The following DCLK1 variants were observed in gnomAD, a reference collection of about 807,000 sequenced individuals.
DCLK1 encodes the protein doublecortin like kinase 1, also known as serine/threonine-protein kinase DCLK1.
A neutral mutation model predicts 86.2 loss-of-function variants in DCLK1; 16 were observed. The ratio of observed to expected loss-of-function variants is 0.19; its 90% confidence interval spans 0.13 to 0.28. The LOEUF is 0.28. DCLK1 is among the 10% of genes least tolerant of loss of function. DCLK1 has a pLI of 1.00. For missense variants in DCLK1, 590 were observed against 940.2 expected (o/e 0.63, Z 4.87); for synonymous variants, 369 against 370.5 (o/e 1.00, Z 0.05).
intron 4 of DCLK1, among the ~76,000 whole-genome samples, chr13:35,913,947 C>A (rs1875208992): frequency 6.6e-6 from 1 of 152,120 alleles, no homozygotes; most frequent in African/African-American, 2.4e-5. Context: ...TTCTTAAATT[C>A]TAGCCTGCAT....
intron 3 of DCLK1, among the ~76,000 whole-genome samples, chr13:36,105,431 C>T (rs545439310): frequency 4.2e-4 from 64 of 152,188 alleles, no homozygotes; most frequent in African/African-American, 1.5e-3. Context: ...GTCCTCATGA[C>T]AACTTATAGA....
intron 8 of DCLK1, among the ~76,000 whole-genome samples, chr13:35,833,189 C>G (rs1222846196): frequency 1.5e-4 from 23 of 152,208 alleles, no homozygotes. Context: ...GTGCCTATAT[C>G]ACTAAGCAAT....
rs577419182 is a variant in DCLK1 at position 36,001,356 on chromosome 13, T to A, written c.724-53899A>T. On this transcript the variant is annotated intron_variant, in intron 3 of 16. Transcript: ENST00000360631. Reference sequence around the variant, plus strand: ...ACAGACAATAATTCTTTCAGCAACATCAAAGTAATAAAGTTTAATGGAAAG... The same window carrying A: ...ACAGACAATAATTCTTTCAGCAACAACAAAGTAATAAAGTTTAATGGAAAG... Among the ~76,000 whole-genome samples, 3 of 152,298 alleles carry A rather than the reference T, an allele frequency of 2.0e-5. No homozygotes were observed. The East Asian group carries it at 5.8e-4, about 29-fold the overall frequency.
In DCLK1 at chr13:35,769,974, A is replaced by C. The variant is rs775692978; in HGVS notation, c.*4561T>G. The C allele has an allele frequency of 3.9e-5, 6 of 152,218 alleles. No homozygotes were observed. Among genetic ancestry groups the C allele is most frequent in the Non-Finnish European group, 8.8e-5 (6 of 68,036 alleles). The allele number at this position is 152,218 out of a possible 1,614,324, so 9.4% of individuals were successfully genotyped here. A position where few individuals can be genotyped will look rare whatever the true frequency, so the allele number is the denominator to read the frequency against. On this transcript the variant is annotated 3_prime_UTR_variant, in exon 17 of 17. Coordinates refer to ENST00000360631, the MANE Select transcript of DCLK1 (RefSeq NM_001330071.2). ...ATCACAGAAATGATGCTCAGTGTTG[A>C]AACCCAACAATAAACAAACAAACAA...
chr13:35,806,503 A>T (rs1236284474), intron 14 of DCLK1, among the ~76,000 whole-genome samples: 1 of 152,220 alleles, frequency 6.6e-6, no homozygotes, highest in African/African-American at 2.4e-5. Context: ...ATGCTATACA[A>T]TTGTCCACTC....
intron 3 of DCLK1, among the ~76,000 whole-genome samples, chr13:36,045,330 GTGTATATATATATATATATA>G (rs1219729510): frequency 0.012 from 707 of 56,604 alleles, 19 homozygotes; most frequent in African/African-American, 0.047. Flanking sequence ...GTGTGTGTGT[GTGTATATATATATATATATA>G]TATATATATA....
intron 3 of DCLK1, among the ~76,000 whole-genome samples, chr13:35,967,592 C>T (rs1043315463): frequency 6.6e-6 from 1 of 152,134 alleles, no homozygotes; most frequent in African/African-American, 2.4e-5. Context: ...AAGGGTGGTG[C>T]AAGATGTGCT....
rs2296645 is a variant in DCLK1 at position 35,828,289 on chromosome 13, A to G, written c.1248T>C (p.Tyr416=). The G allele has an allele frequency of 0.45, 727,000 of 1,605,488 alleles. 171,032 individuals are homozygous for G. The highest frequency in any genetic ancestry group is 0.51 in the Middle Eastern group (3,059 of 5,992). Residue 416 remains tyrosine, a synonymous_variant, in exon 9 of 17, where the codon TAT becomes TAC. Transcript: ENST00000360631. ...TGCTTTTCTTGATAATTTTCAGAGCATACTCTCTAGCAGTCGATCTGCGAA... is the reference window on the plus strand; with the variant it reads ...TGCTTTTCTTGATAATTTTCAGAGCGTACTCTCTAGCAGTCGATCTGCGAA... ...ECVERSTARE[Y]ALKIIKKSKC...
At chr13:35,842,228 CAAAAAAAAAAAAAA>C (rs35862851) in intron 6 of DCLK1, among the ~76,000 whole-genome samples, 6 of 35,130 alleles carry the variant, frequency 1.7e-4, no homozygotes, top group East Asian at 1.5e-3. Context: ...GACTCCATCT[CAAAAAAAAAAAAAA>C]AAAAAAAAAA....
At chr13:35,966,662 G>A (rs77868062) in intron 3 of DCLK1, among the ~76,000 whole-genome samples, 24,592 of 151,752 alleles carry the variant, frequency 0.16, 2,045 homozygotes, top group East Asian at 0.22. Context: ...GCACCGCCAC[G>A]CCTGACTGGT....
intron 3 of DCLK1, among the ~76,000 whole-genome samples, chr13:35,991,863 A>G (rs1880246250): frequency 6.6e-6 from 1 of 152,132 alleles, no homozygotes; most frequent in South Asian, 2.1e-4. Context: ...ACCTCATATG[A>G]CAAGTTACTC....
At position 36,131,201 on chromosome 13, in the gene DCLK1, G is replaced by C. The variant is rs548391488; in HGVS notation, c.-107C>G. ...TGTCCTCGCCGGGCTGGGCGCGGCCGGGGCTGCGGGGCTGCAGGGCTGGGG... is the reference window on the plus strand; with the variant it reads ...TGTCCTCGCCGGGCTGGGCGCGGCCCGGGCTGCGGGGCTGCAGGGCTGGGG... On this transcript the variant is annotated 5_prime_UTR_variant, in exon 1 of 17. Transcript: ENST00000360631. The C allele has an allele frequency of 5.8e-4, 88 of 152,516 alleles. 1 individual carries two copies. The highest frequency in any genetic ancestry group is 5.5e-3 in the South Asian group (31 of 5,676). 9.4% of individuals were successfully genotyped at this position (152,516 alleles called of 1,614,324 possible).
rs191631728 is a variant in DCLK1, at chr13:35,769,626, G to A, written c.*4909C>T. 6.6e-6 allele frequency: 1 copy of A among 152,138 alleles called. No homozygotes were observed. Among genetic ancestry groups the A allele is most frequent in the Non-Finnish European group, 1.5e-5 (1 of 68,020 alleles). 9.4% of individuals were successfully genotyped at this position (152,138 alleles called of 1,614,324 possible). ...TTTCTTACTACATTTGATTGGACTG[G>A]AGTGAACTGACATTATAGCATCTTT... On this transcript the variant is annotated 3_prime_UTR_variant, in exon 17 of 17. Transcript: ENST00000360631.
At chr13:36,012,317 T>A (rs899715785) in intron 3 of DCLK1, among the ~76,000 whole-genome samples, 4 of 151,692 alleles carry the variant, frequency 2.6e-5, no homozygotes, top group Non-Finnish European at 5.9e-5. Flanking sequence ...AGTTTCTTCC[T>A]AGTCTCGATG....
intron 3 of DCLK1, among the ~76,000 whole-genome samples, chr13:35,971,547 G>C (rs184330064): frequency 1.2e-4 from 18 of 152,284 alleles, no homozygotes; most frequent in Non-Finnish European, 2.1e-4. Context: ...TGGATCACCT[G>C]AGGTCGGGAG....
intron 4 of DCLK1, among the ~76,000 whole-genome samples, chr13:35,893,519 T>C (rs891105535): frequency 2.0e-5 from 3 of 152,140 alleles, no homozygotes; most frequent in African/African-American, 7.2e-5. Context: ...AATCCAAAAC[T>C]TTTTGAGTGC....
intron 16 of DCLK1, among the ~76,000 whole-genome samples, chr13:35,784,362 A>AG (rs2153098228): frequency 6.6e-6 from 1 of 152,338 alleles, no homozygotes; most frequent in South Asian, 2.1e-4. Flanking sequence ...TCCTCTCTTA[A>AG]GGGGCCTCTG....
chr13:36,113,543 G>C (rs1367494319), intron 2 of DCLK1, among the ~76,000 whole-genome samples: 1 of 151,972 alleles, frequency 6.6e-6, no homozygotes, highest in Non-Finnish European at 1.5e-5. Flanking sequence ...AGGCATATTT[G>C]GGTACTATAG....
intron 3 of DCLK1, among the ~76,000 whole-genome samples, chr13:36,003,421 T>C (rs1287839819): frequency 1.3e-5 from 2 of 152,168 alleles, no homozygotes; most frequent in African/African-American, 4.8e-5. Flanking sequence ...TTAGAAATCT[T>C]TGTGGAAAGC....
Sources: allele counts gnomAD v4.1 joint callset (sites outside exome capture counted in the v4.1 genomes callset), GRCh38; gene constraint gnomAD v4.1.1; transcripts MANE v1.5; gene names NCBI Gene and HGNC (gene_info 2026-07-23, HGNC 2026-07-21).